DCDC1: variants seen among roughly 807,000 people sequenced by gnomAD.
DCDC1 encodes the protein doublecortin domain containing 1.
Under a neutral mutation model 178.3 loss-of-function variants are expected in DCDC1, and 200 were observed. That is an observed-to-expected ratio of 1.12 (90% CI 1.00 to 1.26). The LOEUF (loss-of-function observed/expected upper bound fraction) is 1.26. DCDC1 is among the 50% of genes most tolerant of loss of function. DCDC1 has a pLI of 0.00. For synonymous variants in DCDC1, 690 were observed against 604.8 expected, an observed-to-expected ratio of 1.14 and a Z score of -2.07; for missense variants, 1,983 against 1,749.2, an observed-to-expected ratio of 1.13 and a Z score of -2.38.
chr11:31,342,948 T>C (rs1476459684), intron 1 of DCDC1, among the ~76,000 whole-genome samples: 2 of 152,136 alleles, frequency 1.3e-5, no homozygotes, highest in Non-Finnish European at 2.9e-5. Flanking sequence ...AGGTATACCT[T>C]TTTGTTTTTT....
chr11:31,060,419 C>A (rs1955845451), intron 20 of DCDC1, among the ~76,000 whole-genome samples: 2 of 151,892 alleles, frequency 1.3e-5, no homozygotes, highest in African/African-American at 4.8e-5. Flanking sequence ...TCAGAAAAAC[C>A]AAGGGACAGA....
chr11:31,306,664 T>A lies in DCDC1; in HGVS notation c.435-276A>T, dbSNP rs545300392. 5.3e-5 allele frequency among the ~76,000 whole-genome samples: 8 copies of A among 151,894 alleles called. No individual in the cohort carries two copies. The East Asian group carries it at 1.5e-3, about 29-fold the overall frequency. ...TAAATGATTCTTATCACTTTACTTA[T>A]AAAACACAACAGTCCTTTTAAAATA... is the stretch of plus-strand genomic sequence containing the variant. On this transcript the variant is annotated intron_variant, in intron 4 of 38. Coordinates refer to ENST00000684477, the MANE Select transcript of DCDC1 (RefSeq NM_001387274.1).
chr11:30,994,038 C>A (rs182021596), intron 20 of DCDC1, among the ~76,000 whole-genome samples: 174 of 152,044 alleles, frequency 1.1e-3, no homozygotes, highest in Non-Finnish European at 8.8e-5. Context: ...GACATAGATA[C>A]AAAAAGCTTC....
chr11:31,159,296 T>A (rs1966071250), intron 9 of DCDC1, among the ~76,000 whole-genome samples: 1 of 152,210 alleles, frequency 6.6e-6, no homozygotes, highest in African/African-American at 2.4e-5. Context: ...TGGCAAAATA[T>A]TCTCTATTTC....
Position 30,986,025 on chromosome 11 carries a change from A to AT in DCDC1, c.2592-33458dup, listed in dbSNP as rs1339083507. 1.4e-4 allele frequency among the ~76,000 whole-genome samples: 22 copies of AT among 152,160 alleles called. No homozygotes were observed. The South Asian group carries it at 1.5e-3, about 10-fold the overall frequency. On this transcript the variant is annotated intron_variant, in intron 20 of 38. Coordinates refer to ENST00000684477, the MANE Select transcript of DCDC1 (RefSeq NM_001387274.1). ...CTCACATGATGGTGGATTAAACATG[A>AT]TAGAGGTATGTTTTTCTGTAGTGTA...
At chr11:31,322,794 T>C (rs1035222201) in intron 3 of DCDC1, among the ~76,000 whole-genome samples, 3 of 152,190 alleles carry the variant, frequency 2.0e-5, no homozygotes, top group Non-Finnish European at 1.5e-5. Flanking sequence ...TCTCTCTGAA[T>C]TCTTCTTATG....
chr11:31,252,929 C>A (rs1404705052), intron 8 of DCDC1, among the ~76,000 whole-genome samples: 5 of 151,886 alleles, frequency 3.3e-5, no homozygotes, highest in Admixed American at 6.6e-5. Context: ...TTGGTGATCA[C>A]CAAAGGCCCT....
At chr11:31,161,237 C>T (rs1966290749) in intron 9 of DCDC1, among the ~76,000 whole-genome samples, 2 of 152,096 alleles carry the variant, frequency 1.3e-5, no homozygotes, top group African/African-American at 4.8e-5. Context: ...TAGCACTAAA[C>T]ACTGGGAGAA....
intron 7 of DCDC1, among the ~76,000 whole-genome samples, chr11:31,270,444 A>G (rs1204668060): frequency 1.3e-5 from 2 of 152,210 alleles, no homozygotes; most frequent in Non-Finnish European, 2.9e-5. Flanking sequence ...AAAAGTTTGC[A>G]TCAACATTCA....
At chr11:31,082,866 C>T (rs1957270201) in intron 17 of DCDC1, among the ~76,000 whole-genome samples, 1 of 152,102 alleles carries the variant, frequency 6.6e-6, no homozygotes, top group East Asian at 1.9e-4. Context: ...AAGTAGAATG[C>T]ACGTAGAGGA....
chr11:31,089,988 C>A (rs1258883036), intron 17 of DCDC1, among the ~76,000 whole-genome samples: 1 of 152,100 alleles, frequency 6.6e-6, no homozygotes, highest in Non-Finnish European at 1.5e-5. Flanking sequence ...GCTCCCTGTT[C>A]CATAGTTTCG....
chr11:31,052,667 G>A (rs1029311456), intron 20 of DCDC1, among the ~76,000 whole-genome samples: 37 of 151,982 alleles, frequency 2.4e-4, no homozygotes, highest in African/African-American at 8.5e-4. Context: ...GAAGACCACA[G>A]TGGAATAAAA....
At chr11:31,018,293 C>T (rs929250238) in intron 20 of DCDC1, among the ~76,000 whole-genome samples, 1 of 152,116 alleles carries the variant, frequency 6.6e-6, no homozygotes, top group Non-Finnish European at 1.5e-5. Flanking sequence ...AAGCTCAAAA[C>T]GCTGGGACTC....
At chr11:30,869,070 A>T (rs1941293972) in intron 38 of DCDC1, among the ~76,000 whole-genome samples, 1 of 152,230 alleles carries the variant, frequency 6.6e-6, no homozygotes, top group Non-Finnish European at 1.5e-5. Flanking sequence ...CTTCCCTTCT[A>T]AGCCAGGCTG....
chr11:31,055,407 A>G (rs1274310827), intron 20 of DCDC1, among the ~76,000 whole-genome samples: 3 of 152,198 alleles, frequency 2.0e-5, no homozygotes, highest in Non-Finnish European at 4.4e-5. Context: ...TACAATCACT[A>G]TGTTTCCATA....
chr11:31,278,054 A>G (rs550076470), intron 7 of DCDC1, among the ~76,000 whole-genome samples: 83 of 152,228 alleles, frequency 5.5e-4, no homozygotes, highest in African/African-American at 1.6e-3. Context: ...TCTGTGATCA[A>G]TTTAAATCAA....
At chr11:31,048,988 A>G (rs1298571262) in intron 20 of DCDC1, among the ~76,000 whole-genome samples, 1 of 152,276 alleles carries the variant, frequency 6.6e-6, no homozygotes, top group Non-Finnish European at 1.5e-5. Flanking sequence ...AGAAATATTT[A>G]AAGAGGTCAT....
chr11:31,283,928 C>G (rs1946633387), intron 7 of DCDC1, among the ~76,000 whole-genome samples: 1 of 151,674 alleles, frequency 6.6e-6, no homozygotes, highest in Non-Finnish European at 1.5e-5. Flanking sequence ...AAACACTGTG[C>G]TTTTCTCAGA....
At chr11:31,118,479 T>C (rs1023301249) in intron 11 of DCDC1, among the ~76,000 whole-genome samples, 2 of 152,138 alleles carry the variant, frequency 1.3e-5, no homozygotes, top group African/African-American at 4.8e-5. Flanking sequence ...AAATGAAGAA[T>C]TTATGCTCGA....
Sources: allele counts gnomAD v4.1 joint callset (sites outside exome capture counted in the v4.1 genomes callset), GRCh38; gene constraint gnomAD v4.1.1; transcripts MANE v1.5; gene names NCBI Gene and HGNC (gene_info 2026-07-23, HGNC 2026-07-21).